MPRIP: variants seen among roughly 807,000 people sequenced by gnomAD.
The protein encoded by MPRIP is myosin phosphatase Rho interacting protein.
A neutral mutation model predicts 234.9 loss-of-function variants in MPRIP; 59 were observed. That is an observed-to-expected ratio of 0.25 (90% CI 0.20 to 0.31). The LOEUF (loss-of-function observed/expected upper bound fraction) is 0.31, where lower values mean the gene tolerates loss of function less well. Among genes scored for constraint, MPRIP ranks in the 10% least tolerant of loss-of-function variants. The pLI is 1.00. For missense variants in MPRIP, 2,436 were observed against 3,071.0 expected (o/e 0.79, Z 4.89); for synonymous variants, 1,144 against 1,263.9 (o/e 0.91, Z 2.01).
intron 1 of MPRIP, among the ~76,000 whole-genome samples, chr17:17,049,171 A>T (rs545128208): frequency 3.3e-5 from 5 of 152,252 alleles, no homozygotes; most frequent in Non-Finnish European, 5.9e-5. Flanking sequence ...GGTTGTTGCC[A>T]GAGCCTGAGG....
At chr17:17,143,015 C>T (rs889737606) in intron 8 of MPRIP, among the ~76,000 whole-genome samples, 2 of 152,214 alleles carry the variant, frequency 1.3e-5, no homozygotes, top group Non-Finnish European at 2.9e-5. Context: ...GGATCACTCT[C>T]TTCCTATCTG....
At chr17:17,055,711 C>T (rs1001349982) in intron 1 of MPRIP, among the ~76,000 whole-genome samples, 4 of 152,192 alleles carry the variant, frequency 2.6e-5, no homozygotes, top group African/African-American at 9.7e-5. Flanking sequence ...CTGGAAACCC[C>T]GTGAGCCTGG....
Position 17,158,433 on chromosome 17 carries a change from T to C in MPRIP, c.1831T>C (p.Ser611Pro). The C allele has an allele frequency of 6.4e-7, 1 of 1,557,114 alleles. No homozygotes were observed. The change falls in exon 14 of 24, where the codon TCG (serine) becomes CCG (proline). Residue 611 changes from serine to proline, a missense_variant and splice_region_variant. Around this residue, in one of 4 missense-constraint regions of MPRIP, gnomAD observed 1,998 missense variants for 2,520.3 expected, o/e 0.79. Transcript: ENST00000651222. The part of the protein sequence containing the change: ...HPTTAPDVTS[S>P]LPEEKNKSSC... ...TATGTCCATCCTCCTGCCCCACAGCTCGTTGCCAGAGGAAAAAAACAAGAG... is the reference window on the plus strand; with the variant it reads ...TATGTCCATCCTCCTGCCCCACAGCCCGTTGCCAGAGGAAAAAAACAAGAG...
At chr17:17,077,914 C>T (rs2089372150) in intron 2 of MPRIP, 97 bp from the exon 3 acceptor site, 1 of 1,202,924 alleles carries the variant, frequency 8.3e-7, no homozygotes, top group Non-Finnish European at 1.2e-6. Flanking sequence ...AGTGACCTTC[C>T]TTAGATATGG....
chr17:17,100,742 T>G (rs1487934810), intron 3 of MPRIP, among the ~76,000 whole-genome samples: 3 of 151,666 alleles, frequency 2.0e-5, no homozygotes, highest in Non-Finnish European at 4.4e-5. Flanking sequence ...AGCTCAGGGC[T>G]CCCACTGATT....
At chr17:17,074,836 A>G (rs2089290050) in intron 1 of MPRIP, among the ~76,000 whole-genome samples, 1 of 152,278 alleles carries the variant, frequency 6.6e-6, no homozygotes, top group African/African-American at 2.4e-5. Flanking sequence ...TTCTGGCTGA[A>G]TAATGTTCCC....
chr17:17,069,331 A>T (rs2089136282), intron 1 of MPRIP, among the ~76,000 whole-genome samples: 1 of 152,050 alleles, frequency 6.6e-6, no homozygotes, highest in Non-Finnish European at 1.5e-5. Context: ...TTTGCAGTGA[A>T]TTTTTTGTAG....
chr17:17,157,039 C>T (rs1046938665), intron 13 of MPRIP, among the ~76,000 whole-genome samples: 1 of 152,188 alleles, frequency 6.6e-6, no homozygotes, highest in Non-Finnish European at 1.5e-5. Flanking sequence ...GGTGGGCTTG[C>T]AACTGCCTTC....
intron 3 of MPRIP, among the ~76,000 whole-genome samples, chr17:17,091,785 T>C (rs1304094793): frequency 6.6e-6 from 1 of 152,042 alleles, no homozygotes; most frequent in East Asian, 1.9e-4. Context: ...AGAGGTGGGA[T>C]GTGTGTTGCA....
chr17:17,180,183 C>A, intron 23 of MPRIP, 95 bp downstream of exon 23: 1 of 1,053,060 alleles, frequency 9.5e-7, no homozygotes, highest in Non-Finnish European at 1.4e-6. Flanking sequence ...TGGGCCACAG[C>A]TGCCAAAGCC....
intron 1 of MPRIP, among the ~76,000 whole-genome samples, chr17:17,062,428 CATCAACTCTCA>C (rs2088895078): frequency 6.6e-6 from 1 of 152,242 alleles, no homozygotes; most frequent in Admixed American, 6.5e-5. Context: ...GCTGTTTTCT[CATCAACTCTCA>C]ATCTTTGTCC....
At chr17:17,072,197 A>G (rs903852920) in intron 1 of MPRIP, among the ~76,000 whole-genome samples, 5 of 152,236 alleles carry the variant, frequency 3.3e-5, no homozygotes, top group Non-Finnish European at 4.4e-5. Flanking sequence ...AGTTTTAGAT[A>G]GTCTGAGACA....
At chr17:17,105,703 C>G (rs937391801) in intron 3 of MPRIP, among the ~76,000 whole-genome samples, 9 of 152,208 alleles carry the variant, frequency 5.9e-5, no homozygotes, top group African/African-American at 2.2e-4. Context: ...GGGCTGTTCC[C>G]TGGAAACAGT....
chr17:17,171,586 T>C (rs1278605117), intron 16 of MPRIP, 132 bp from the exon 17 acceptor site: 3 of 1,184,838 alleles, frequency 2.5e-6, no homozygotes, highest in Non-Finnish European at 3.6e-6. Context: ...GCGCCCATGG[T>C]GGAGCAAGCT....
chr17:17,063,149 G>T (rs143525805), intron 1 of MPRIP, among the ~76,000 whole-genome samples: 1 of 152,256 alleles, frequency 6.6e-6, no homozygotes, highest in Non-Finnish European at 1.5e-5. Flanking sequence ...AGGCAGAGGT[G>T]CAGTGCAGCC....
At chr17:17,149,709 TC>T (rs2045555560) in intron 11 of MPRIP, 1 of 143,118 alleles carries the variant, frequency 7.0e-6, no homozygotes, top group African/African-American at 2.5e-5. Context: ...ATATATATTT[TC>T]ATATATATTT....
intron 3 of MPRIP, among the ~76,000 whole-genome samples, chr17:17,104,109 G>A (rs577897266): frequency 1.3e-5 from 2 of 152,292 alleles, no homozygotes; most frequent in Non-Finnish European, 2.9e-5. Context: ...GACACTAAGT[G>A]CTCGTAAACA....
intron 14 of MPRIP, among the ~76,000 whole-genome samples, chr17:17,159,745 T>C (rs1567760628): frequency 6.6e-6 from 1 of 152,226 alleles, no homozygotes; most frequent in Admixed American, 6.5e-5. Flanking sequence ...ACAGTTTTTG[T>C]AGAACTCCCT....
At chr17:17,049,186 G>C (rs2088453135) in intron 1 of MPRIP, among the ~76,000 whole-genome samples, 1 of 152,220 alleles carries the variant, frequency 6.6e-6, no homozygotes. Flanking sequence ...CTGAGGGTTG[G>C]GTGGGCAATG....
Sources: allele counts gnomAD v4.1 joint callset (sites outside exome capture counted in the v4.1 genomes callset), GRCh38; gene constraint gnomAD v4.1.1; regional missense constraint gnomAD v4.1.1; transcripts MANE v1.5; gene names NCBI Gene and HGNC (gene_info 2026-07-23, HGNC 2026-07-21).